CBLB: variants seen among roughly 807,000 people sequenced by gnomAD.
CBLB encodes E3 ubiquitin-protein ligase CBL-B.
A neutral mutation model predicts 104.9 loss-of-function variants in CBLB; 31 were observed. The ratio of observed to expected loss-of-function variants is 0.30; its 90% confidence interval spans 0.22 to 0.40. The LOEUF (loss-of-function observed/expected upper bound fraction) is 0.40. Ranked by LOEUF, CBLB falls within the 10% of genes least tolerant of loss-of-function variation. The pLI, the probability that CBLB is intolerant of heterozygous loss-of-function variation, is 1.00. For synonymous variants in CBLB, 440 were observed against 422.6 expected, an observed-to-expected ratio of 1.04 and a Z score of -0.51; for missense variants, 1,062 against 1,214.6, an observed-to-expected ratio of 0.87 and a Z score of 1.87.
chr3:105,742,723 G>A (rs746124927), intron 6 of CBLB, among the ~76,000 whole-genome samples: 3 of 152,138 alleles, frequency 2.0e-5, no homozygotes, highest in Admixed American at 6.5e-5. Flanking sequence ...AAAAATCTGT[G>A]TACTATGAAT....
chr3:105,864,534 C>A (rs2092312107), intron 2 of CBLB, among the ~76,000 whole-genome samples: 1 of 152,150 alleles, frequency 6.6e-6, no homozygotes, highest in South Asian at 2.1e-4. Context: ...ATACACAGAG[C>A]TAAGGCCAGA....
At chr3:105,793,054 C>A (rs2081873129) in intron 3 of CBLB, among the ~76,000 whole-genome samples, 1 of 152,150 alleles carries the variant, frequency 6.6e-6, no homozygotes. Flanking sequence ...CCCCTGATTG[C>A]TTCCACCAGC....
chr3:105,698,316 C>A (rs2068648723), intron 12 of CBLB, among the ~76,000 whole-genome samples: 1 of 152,118 alleles, frequency 6.6e-6, no homozygotes, highest in African/African-American at 2.4e-5. Context: ...TTTCCCCTAT[C>A]ATTCATTGTT....
intron 3 of CBLB, among the ~76,000 whole-genome samples, chr3:105,836,245 C>G (rs1398262280): frequency 6.6e-6 from 1 of 152,170 alleles, no homozygotes; most frequent in African/African-American, 2.4e-5. Context: ...ATCAAAAGAT[C>G]CTCTCAATGA....
rs1168732285 is a variant in CBLB, at chr3:105,658,386, T to C, written c.*584A>G. The C allele has an allele frequency of 9.2e-6, 2 of 217,282 alleles. No individual in the cohort carries two copies. Among genetic ancestry groups the C allele is most frequent in the Admixed American group, 6.0e-5 (1 of 16,586 alleles). The allele number at this position is 217,282 out of a possible 1,614,324, so 13.5% of individuals were successfully genotyped here. A position where few individuals can be genotyped will look rare whatever the true frequency, so the allele number is the denominator to read the frequency against. Reference sequence around the variant, plus strand: ...AAAGAAGAAACTCAGTAGTGAAGAATACATACTTTTTTTTTTTTGCATTAG... The same window carrying C: ...AAAGAAGAAACTCAGTAGTGAAGAACACATACTTTTTTTTTTTTGCATTAG... On this transcript the variant is annotated 3_prime_UTR_variant, in exon 19 of 19. Transcript: ENST00000394030.
intron 2 of CBLB, among the ~76,000 whole-genome samples, chr3:105,855,983 A>C (rs190182888): frequency 6.6e-6 from 1 of 152,322 alleles, no homozygotes. Context: ...AATAACTTCA[A>C]GCATAACGAA....
intron 3 of CBLB, among the ~76,000 whole-genome samples, chr3:105,835,657 CTTCT>C (rs1343951967): frequency 1.3e-5 from 2 of 152,180 alleles, no homozygotes; most frequent in Non-Finnish European, 2.9e-5. Context: ...GTACATTCTG[CTTCT>C]TTCTAAGCTT....
At chr3:105,852,589 C>T (rs1293298389) in intron 3 of CBLB, among the ~76,000 whole-genome samples, 1 of 151,942 alleles carries the variant, frequency 6.6e-6, no homozygotes, top group African/African-American at 2.4e-5. Flanking sequence ...TTAGTGTAGC[C>T]TAAGTGTACA....
In CBLB at chr3:105,751,767, A is replaced by G. The variant is rs1029802896; in HGVS notation, c.567-149T>C. On this transcript the variant is annotated intron_variant, in intron 4 of 18. Coordinates refer to ENST00000394030, the MANE Select transcript of CBLB (RefSeq NM_170662.5). ...TTTGAGAATATTGTTCATATTTCAGAACAAATGTAGTGGGTTCTGTTTAAC... is the reference window on the plus strand; with the variant it reads ...TTTGAGAATATTGTTCATATTTCAGGACAAATGTAGTGGGTTCTGTTTAAC... 1.1e-5 allele frequency: 8 copies of G among 721,808 alleles called. No individual in the cohort carries two copies. In the East Asian group the frequency reaches 1.3e-4, roughly 12 times the overall value. The allele number at this position is 721,808 out of a possible 1,614,324, so 44.7% of individuals were successfully genotyped here. A position where few individuals can be genotyped will look rare whatever the true frequency, so the allele number is the denominator to read the frequency against.
upstream of CBLB, chr3:105,869,037 G>T (rs1329196533): frequency 3.7e-5 from 15 of 402,690 alleles, no homozygotes; most frequent in Non-Finnish European, 5.4e-5. Flanking sequence ...GCACACACAG[G>T]ACCCAGGCTC....
At chr3:105,821,010 G>A (rs1380227167) in intron 3 of CBLB, among the ~76,000 whole-genome samples, 1 of 152,066 alleles carries the variant, frequency 6.6e-6, no homozygotes, top group Non-Finnish European at 1.5e-5. Context: ...AGGATATAAA[G>A]TGATGGGTTG....
At chr3:105,815,193 T>TC (rs2084854273) in intron 3 of CBLB, among the ~76,000 whole-genome samples, 1 of 152,180 alleles carries the variant, frequency 6.6e-6, no homozygotes, top group South Asian at 2.1e-4. Context: ...ATTTAAGAAC[T>TC]CCTTCAGTGC....
intron 6 of CBLB, among the ~76,000 whole-genome samples, chr3:105,743,187 G>A (rs944135072): frequency 5.9e-5 from 9 of 152,184 alleles, no homozygotes; most frequent in African/African-American, 2.2e-4. Context: ...GCCAGGAGTG[G>A]TGGCTCACAC....
chr3:105,746,093 G>A, intron 5 of CBLB, 55 bp from the exon 6 acceptor site: 1 of 1,166,532 alleles, frequency 8.6e-7, no homozygotes, highest in Non-Finnish European at 1.3e-6. Flanking sequence ...CAAATATTTT[G>A]ATTACATACT....
chr3:105,843,843 T>C (rs2089884705), intron 3 of CBLB, among the ~76,000 whole-genome samples: 1 of 152,232 alleles, frequency 6.6e-6, no homozygotes, highest in Non-Finnish European at 1.5e-5. Context: ...CATGTTCTAA[T>C]GGGTTTCAAC....
chr3:105,706,202 G>A (rs1433904143), intron 10 of CBLB, among the ~76,000 whole-genome samples: 2 of 152,086 alleles, frequency 1.3e-5, no homozygotes, highest in Admixed American at 6.6e-5. Flanking sequence ...CCTCCGATAT[G>A]CCTGAATATT....
At position 105,704,187 on chromosome 3, in the gene CBLB, A is replaced by G; in HGVS notation, c.1408-14T>C. On this transcript the variant is annotated splice_polypyrimidine_tract_variant and intron_variant, in intron 10 of 18. Transcript: ENST00000394030. ...CCTGTCAGTGCACTAGAACAGAAAA[A>G]GAGAAAGATGCCGCTGTTTATTAGC... 2 of 1,612,536 alleles carry G rather than the reference A, an allele frequency of 1.2e-6. No individual in the cohort carries two copies. The highest frequency in any genetic ancestry group is 1.7e-6 in the Non-Finnish European group (2 of 1,178,574).
At chr3:105,868,137 A>G (rs887494971) in intron 1 of CBLB, 28 of 1,031,246 alleles carry the variant, frequency 2.7e-5, no homozygotes, top group Non-Finnish European at 3.2e-5. Flanking sequence ...CATGTCCCAC[A>G]CTAAAACCAC....
rs559374628 is a variant in CBLB at position 105,764,941 on chromosome 3, G to A, written c.566+11455C>T. ...CGAATCCAAAACAAGGCCCCAACTC[G>A]CTTCAATTCTGTGAAGGGTAAGAGA... is the stretch of plus-strand genomic sequence containing the variant. On this transcript the variant is annotated intron_variant, in intron 4 of 18. Transcript: ENST00000394030. Among the ~76,000 whole-genome samples the A allele has an allele frequency of 4.6e-5, 7 of 152,278 alleles. No individual in the cohort carries two copies. In the East Asian group the frequency reaches 7.7e-4, roughly 17 times the overall value.
Sources: gnomAD v4.1 joint callset for allele counts (sites outside exome capture counted in the v4.1 genomes callset) on GRCh38, gnomAD v4.1.1 for gene constraint, MANE v1.5 for transcripts, NCBI Gene and HGNC (gene_info 2026-07-23, HGNC 2026-07-21) for gene names.